DDX10: variants seen among roughly 807,000 people sequenced by gnomAD.
The protein encoded by DDX10 is DEAD-box helicase 10.
In DDX10, 74 loss-of-function variants were observed where a neutral mutation model predicts 104.3. The ratio of observed to expected loss-of-function variants is 0.71; its 90% confidence interval spans 0.59 to 0.86. The LOEUF (loss-of-function observed/expected upper bound fraction) is 0.86. Ranked by LOEUF, DDX10 falls within the 40% of genes least tolerant of loss-of-function variation. The pLI is 0.00. For missense variants in DDX10, 952 were observed against 1,040.0 expected, an observed-to-expected ratio of 0.92 and a Z score of 1.16; for synonymous variants, 351 against 353.4, an observed-to-expected ratio of 0.99 and a Z score of 0.08.
chr11:108,827,166 G>A (rs1265438255), intron 13 of DDX10, among the ~76,000 whole-genome samples: 1 of 152,208 alleles, frequency 6.6e-6, no homozygotes, highest in Non-Finnish European at 1.5e-5. Flanking sequence ...TAGTCCATAT[G>A]TAGTTTATTC....
intron 13 of DDX10, among the ~76,000 whole-genome samples, chr11:108,728,022 G>GA (rs1364445835): frequency 1.3e-5 from 2 of 148,610 alleles, no homozygotes; most frequent in Non-Finnish European, 3.0e-5. Flanking sequence ...TAAGTTGGGG[G>GA]AAAAAAGTCC....
chr11:108,891,936 C>G (rs1462866642), intron 16 of DDX10, among the ~76,000 whole-genome samples: 2 of 152,072 alleles, frequency 1.3e-5, no homozygotes, highest in Admixed American at 6.6e-5. Context: ...CAGCAGTATC[C>G]TCAATTTGTT....
chr11:108,887,850 G>T (rs1863319820), intron 16 of DDX10, among the ~76,000 whole-genome samples: 1 of 152,102 alleles, frequency 6.6e-6, no homozygotes, highest in East Asian at 1.9e-4. Flanking sequence ...AACCTGGGCA[G>T]TAGAGATTGC....
chr11:108,854,212 A>C (rs1862834627), intron 16 of DDX10, among the ~76,000 whole-genome samples: 1 of 152,138 alleles, frequency 6.6e-6, no homozygotes, highest in Non-Finnish European at 1.5e-5. Flanking sequence ...GAAGGCTCTC[A>C]TGGCTTTTGA....
At chr11:108,726,802 C>G (rs2094305915) in intron 13 of DDX10, among the ~76,000 whole-genome samples, 1 of 152,120 alleles carries the variant, frequency 6.6e-6, no homozygotes, top group Non-Finnish European at 1.5e-5. Context: ...TTTACCATTA[C>G]ATCTGATGTT....
intron 13 of DDX10, among the ~76,000 whole-genome samples, chr11:108,826,467 C>G (rs1737833238): frequency 6.6e-6 from 1 of 152,134 alleles, no homozygotes; most frequent in South Asian, 2.1e-4. Context: ...TCATACTTCC[C>G]AAATAGTTTT....
intron 16 of DDX10, among the ~76,000 whole-genome samples, chr11:108,887,766 A>G (rs1863318588): frequency 6.6e-6 from 1 of 152,038 alleles, no homozygotes; most frequent in Non-Finnish European, 1.5e-5. Context: ...AATACAAAAA[A>G]TTAGCTGGTT....
chr11:108,706,401 ATTAACT>A (rs2094276285), intron 9 of DDX10, among the ~76,000 whole-genome samples: 1 of 152,206 alleles, frequency 6.6e-6, no homozygotes, highest in Non-Finnish European at 1.5e-5. Flanking sequence ...TTATTCAAAG[ATTAACT>A]TTATTATGAT....
At chr11:108,827,346 G>C (rs1025097326) in intron 13 of DDX10, among the ~76,000 whole-genome samples, 1 of 152,158 alleles carries the variant, frequency 6.6e-6, no homozygotes, top group African/African-American at 2.4e-5. Context: ...ACTATAATGG[G>C]GATGAGAGTG....
At chr11:108,680,479 T>G (rs1356627919) in intron 6 of DDX10, among the ~76,000 whole-genome samples, 1 of 152,196 alleles carries the variant, frequency 6.6e-6, no homozygotes, top group African/African-American at 2.4e-5. Context: ...CCTCCCAAAG[T>G]GTTGAGATTA....
chr11:108,749,084 CTCTA>C (rs1211686511), intron 13 of DDX10, among the ~76,000 whole-genome samples: 3 of 151,408 alleles, frequency 2.0e-5, no homozygotes, highest in Middle Eastern at 3.2e-3. Flanking sequence ...CTCTCTCTCT[CTCTA>C]TATATATATT....
At chr11:108,719,104 G>GTTTTTTTTT (rs36015980) in intron 11 of DDX10, among the ~76,000 whole-genome samples, 1 of 129,530 alleles carries the variant, frequency 7.7e-6, no homozygotes. Context: ...TATGAAGATA[G>GTTTTTTTTT]TTTTTTTTTT....
Position 108,738,842 on chromosome 11 carries a change from G to A in DDX10, c.1965+15380G>A, listed in dbSNP as rs73556736. Among the ~76,000 whole-genome samples, 956 of 152,226 alleles carry A rather than the reference G, an allele frequency of 6.3e-3. 10 individuals carry two copies. Among genetic ancestry groups the A allele is most frequent in the African/African-American group, 0.022 (911 of 41,540 alleles). On this transcript the variant is annotated intron_variant, in intron 13 of 17. Transcript: ENST00000322536. Reference sequence around the variant, plus strand: ...TGCTGGACAACTCATGGCACAGCAGGCAGTATGAGCTTGAAGTTTGCATTG... The same window carrying A: ...TGCTGGACAACTCATGGCACAGCAGACAGTATGAGCTTGAAGTTTGCATTG...
intron 9 of DDX10, among the ~76,000 whole-genome samples, chr11:108,697,874 A>G (rs1391496424): frequency 6.6e-6 from 1 of 152,112 alleles, no homozygotes; most frequent in Non-Finnish European, 1.5e-5. Context: ...AAATGTTTTT[A>G]TTTGGGGAGG....
At chr11:108,749,465 T>G (rs1288213612) in intron 13 of DDX10, among the ~76,000 whole-genome samples, 2 of 152,280 alleles carry the variant, frequency 1.3e-5, no homozygotes, top group South Asian at 4.1e-4. Context: ...TTTTGATACT[T>G]AAAGGTCAAG....
chr11:108,861,122 C>T (rs1862935904), intron 16 of DDX10, among the ~76,000 whole-genome samples: 1 of 150,492 alleles, frequency 6.6e-6, no homozygotes, highest in African/African-American at 2.5e-5. Context: ...CTAGTAGGCG[C>T]AATCTAATCA....
intron 9 of DDX10, 103 bp from the exon 10 acceptor site, chr11:108,706,636 G>A (rs2094276548): frequency 1.2e-6 from 1 of 860,726 alleles, no homozygotes; most frequent in Non-Finnish European, 1.9e-6. Context: ...TGACATTTAT[G>A]GTTAGACAAA....
At chr11:108,751,929 T>A (rs908649262) in intron 13 of DDX10, among the ~76,000 whole-genome samples, 19 of 152,002 alleles carry the variant, frequency 1.2e-4, no homozygotes, top group African/African-American at 4.6e-4. Context: ...CCAGTGAAAA[T>A]ACAGTTTTGA....
At chr11:108,858,400 A>G (rs1208106642) in intron 16 of DDX10, among the ~76,000 whole-genome samples, 2 of 152,208 alleles carry the variant, frequency 1.3e-5, no homozygotes, top group Non-Finnish European at 2.9e-5. Flanking sequence ...TATTTGAATC[A>G]GTGAAATGCA....
Sources: gnomAD v4.1 joint callset for allele counts (sites outside exome capture counted in the v4.1 genomes callset) on GRCh38, gnomAD v4.1.1 for gene constraint, MANE v1.5 for transcripts, NCBI Gene and HGNC (gene_info 2026-07-23, HGNC 2026-07-21) for gene names.